The following CDH2 variants were observed in gnomAD, a reference collection of about 807,000 sequenced individuals.
The protein encoded by CDH2 is cadherin-2.
Under a neutral mutation model 92.0 loss-of-function variants are expected in CDH2, and 17 were observed. The ratio of observed to expected loss-of-function variants is 0.18; its 90% CI spans 0.13 to 0.28. The LOEUF (loss-of-function observed/expected upper bound fraction) is 0.28. Ranked by LOEUF, CDH2 falls within the 10% of genes least tolerant of loss-of-function variation. The pLI is 1.00. For synonymous variants in CDH2, 419 were observed against 415.9 expected (o/e 1.01, Z -0.09); for missense variants, 862 against 1,133.1 (o/e 0.76, Z 3.44).
At chr18:28,092,911 C>T (rs931050974) in intron 2 of CDH2, among the ~76,000 whole-genome samples, 1 of 152,148 alleles carries the variant, frequency 6.6e-6, no homozygotes, top group Non-Finnish European at 1.5e-5. Context: ...CCTACATTTA[C>T]ATTTTGTGCT....
chr18:28,004,206 T>C (rs953912989), intron 6 of CDH2, among the ~76,000 whole-genome samples: 3 of 152,224 alleles, frequency 2.0e-5, no homozygotes, highest in African/African-American at 7.2e-5. Context: ...TCTCCCCTAC[T>C]ACAATTTAAG....
intron 1 of CDH2, among the ~76,000 whole-genome samples, chr18:28,173,041 G>GT (rs2016487544): frequency 6.6e-6 from 1 of 152,102 alleles, no homozygotes; most frequent in African/African-American, 2.4e-5. Context: ...ATTAAGGACA[G>GT]TTTGGTGCTC....
chr18:28,003,827 T>C (rs1423589547), intron 6 of CDH2, among the ~76,000 whole-genome samples: 3 of 152,230 alleles, frequency 2.0e-5, no homozygotes. Flanking sequence ...TCAAAGCCTT[T>C]GTATCGAATT....
chr18:28,101,631 T>C (rs1424622590), intron 2 of CDH2, among the ~76,000 whole-genome samples: 1 of 152,148 alleles, frequency 6.6e-6, no homozygotes, highest in Non-Finnish European at 1.5e-5. Context: ...CAAAATGCTA[T>C]GTTTGCTGAA....
chr18:27,995,373 C>T (rs2012549708), intron 7 of CDH2, among the ~76,000 whole-genome samples: 1 of 151,362 alleles, frequency 6.6e-6, no homozygotes, highest in African/African-American at 2.4e-5. Flanking sequence ...AGTTGCTTTC[C>T]TTCCCCAATT....
At chr18:28,006,697 GAC>G (rs1361459644) in intron 5 of CDH2, among the ~76,000 whole-genome samples, 2 of 134,798 alleles carry the variant, frequency 1.5e-5, no homozygotes, top group East Asian at 4.5e-4. Context: ...CAGCCTGGGT[GAC>G]AGAGTGGGAC....
intron 2 of CDH2, among the ~76,000 whole-genome samples, chr18:28,141,840 G>T (rs11874385): frequency 3.9e-5 from 6 of 152,078 alleles, no homozygotes; most frequent in Non-Finnish European, 7.4e-5. Flanking sequence ...CAGGACTCTT[G>T]CATTTGCTGT....
intron 2 of CDH2, among the ~76,000 whole-genome samples, chr18:28,112,173 A>C (rs567119580): frequency 3.3e-5 from 5 of 152,352 alleles, no homozygotes; most frequent in Admixed American, 2.6e-4. Context: ...AATCACGTCC[A>C]TGTCACCAGC....
intron 2 of CDH2, among the ~76,000 whole-genome samples, chr18:28,042,295 T>C (rs1459204142): frequency 6.6e-6 from 1 of 152,190 alleles, no homozygotes; most frequent in African/African-American, 2.4e-5. Flanking sequence ...TTTATTACTT[T>C]AGTAGCATTC....
chr18:28,156,876 T>C (rs1473730177), intron 1 of CDH2, among the ~76,000 whole-genome samples: 2 of 152,116 alleles, frequency 1.3e-5, no homozygotes, highest in Non-Finnish European at 2.9e-5. Flanking sequence ...TATCAGGGCT[T>C]AGGACAATAT....
At chr18:28,063,373 G>A (rs987499005) in intron 2 of CDH2, among the ~76,000 whole-genome samples, 4 of 152,178 alleles carry the variant, frequency 2.6e-5, no homozygotes, top group African/African-American at 9.7e-5. Context: ...ACTAAAGGCA[G>A]AAGAATAACA....
intron 15 of CDH2, among the ~76,000 whole-genome samples, chr18:27,955,780 TAA>T (rs1231780095): frequency 7.0e-6 from 1 of 143,124 alleles, no homozygotes. Context: ...TTTTTTTTTT[TAA>T]AGAGGTTAAG....
intron 2 of CDH2, among the ~76,000 whole-genome samples, chr18:28,039,640 T>C (rs1034408557): frequency 1.9e-4 from 29 of 152,190 alleles, no homozygotes; most frequent in African/African-American, 6.8e-4. Context: ...TATAATTACC[T>C]ATTTTCTGCT....
At chr18:28,148,673 G>T (rs970939986) in intron 1 of CDH2, among the ~76,000 whole-genome samples, 3 of 152,158 alleles carry the variant, frequency 2.0e-5, no homozygotes, top group African/African-American at 7.2e-5. Flanking sequence ...ACCCAATGAA[G>T]GGATTCCAGT....
intron 11 of CDH2, among the ~76,000 whole-genome samples, chr18:27,986,105 C>A (rs1211460316): frequency 1.3e-5 from 2 of 152,078 alleles, no homozygotes; most frequent in Admixed American, 6.5e-5. Context: ...GTTGGAGATG[C>A]AAACACAGGG....
intron 15 of CDH2, among the ~76,000 whole-genome samples, chr18:27,958,904 G>A (rs1024164851): frequency 1.3e-5 from 2 of 152,268 alleles, no homozygotes; most frequent in Non-Finnish European, 2.9e-5. Context: ...AGAAGAATGT[G>A]TTTGCCTTCC....
At chr18:28,163,613 C>A (rs1319767850) in intron 1 of CDH2, among the ~76,000 whole-genome samples, 2 of 152,206 alleles carry the variant, frequency 1.3e-5, no homozygotes, top group African/African-American at 4.8e-5. Context: ...ACACGCAAGT[C>A]CATCAACAAT....
intron 7 of CDH2, among the ~76,000 whole-genome samples, 166 bp downstream of exon 7, chr18:28,002,831 A>T (rs2012807103): frequency 6.6e-6 from 1 of 152,224 alleles, no homozygotes; most frequent in Admixed American, 6.5e-5. Flanking sequence ...CATTTAACCA[A>T]TTTGAAGCTC....
rs2015052602 is a variant in CDH2 at position 28,092,411 on chromosome 18, CAGAGGA to C, written c.172+55256_172+55261del. On this transcript the variant is annotated intron_variant, in intron 2 of 15. Transcript: ENST00000269141. ...TATTTATGAAATGAAACAAATAAGTCAGAGGAAAAGTAGCACACATAATTTTGTTTG... is the reference window on the plus strand; with the variant it reads ...TATTTATGAAATGAAACAAATAAGTCAAAGTAGCACACATAATTTTGTTTG... Among the ~76,000 whole-genome samples the C allele has an allele frequency of 3.9e-5, 6 of 151,976 alleles. No homozygotes were observed. The South Asian group carries it at 1.2e-3, about 32-fold the overall frequency.
Sources: gnomAD v4.1 joint callset for allele counts (sites outside exome capture counted in the v4.1 genomes callset) on GRCh38, gnomAD v4.1.1 for gene constraint, MANE v1.5 for transcripts, NCBI Gene and HGNC (gene_info 2026-07-23, HGNC 2026-07-21) for gene names.